PWWP2A: variants seen among roughly 807,000 people sequenced by gnomAD.
PWWP2A encodes PWWP domain containing 2A.
A neutral mutation model predicts 48.5 loss-of-function variants in PWWP2A; 18 were observed. The observed-to-expected ratio is 0.37, with a 90% confidence interval of 0.26 to 0.55. PWWP2A has a LOEUF of 0.55. Ranked by LOEUF, PWWP2A falls within the 20% of genes least tolerant of loss-of-function variation. The pLI is 0.81. For synonymous variants in PWWP2A, 396 were observed against 387.7 expected (o/e 1.02, Z -0.25); for missense variants, 867 against 976.4 (o/e 0.89, Z 1.49).
At chr5:160,108,006 T>G (rs539231259) in intron 1 of PWWP2A, among the ~76,000 whole-genome samples, 6 of 147,280 alleles carry the variant, frequency 4.1e-5, no homozygotes, top group African/African-American at 1.5e-4. Flanking sequence ...ATCTCAAAAA[T>G]AAAAAAAAAG....
chr5:160,100,076 G>A (rs113932607), intron 1 of PWWP2A, among the ~76,000 whole-genome samples: 1,661 of 151,896 alleles, frequency 0.011, 30 homozygotes, highest in African/African-American at 0.038. Context: ...CAAGGCAGGC[G>A]GATCACCTGA....
chr5:160,080,632 G>T, intron 3 of PWWP2A: 1 of 1,511,590 alleles, frequency 6.6e-7, no homozygotes. Flanking sequence ...CTTTGTGGCA[G>T]GGCTTAAAAC....
intron 3 of PWWP2A, chr5:160,080,632 G>A: frequency 4.0e-6 from 6 of 1,511,592 alleles, no homozygotes; most frequent in Non-Finnish European, 5.4e-6. Context: ...CTTTGTGGCA[G>A]GGCTTAAAAC....
downstream of PWWP2A, among the ~76,000 whole-genome samples, chr5:160,074,200 A>T (rs1753812249): frequency 6.6e-6 from 1 of 152,142 alleles, no homozygotes; most frequent in Admixed American, 6.5e-5. Flanking sequence ...GCACTTTGGG[A>T]GGCTGAGGCA....
intron 2 of PWWP2A, among the ~76,000 whole-genome samples, chr5:160,081,519 C>T (rs1316657239): frequency 1.3e-5 from 2 of 152,148 alleles, no homozygotes; most frequent in Non-Finnish European, 2.9e-5. Context: ...GGATTATAGG[C>T]GTGAGGCACC....
At chr5:160,117,809 A>T (rs1226374458) in intron 1 of PWWP2A, 1 of 852,990 alleles carries the variant, frequency 1.2e-6, no homozygotes, top group East Asian at 1.2e-4. Context: ...AGAGCAAGCA[A>T]GTTTAAGAGT....
intron 4 of PWWP2A, among the ~76,000 whole-genome samples, chr5:160,066,257 C>G (rs1271728248): frequency 6.8e-6 from 1 of 147,496 alleles, no homozygotes; most frequent in Non-Finnish European, 1.5e-5. Context: ...GTGTTCGGTG[C>G]TTCCTGTGCA....
the PWWP2A span, among the ~76,000 whole-genome samples, chr5:160,050,264 A>C: frequency 2.0e-5 from 3 of 152,116 alleles, no homozygotes; most frequent in African/African-American, 7.2e-5. Context: ...CCTGACCAAC[A>C]TGGAGAAACC....
Position 160,091,376 on chromosome 5 carries a change from G to GTTTTTTTTT in PWWP2A, c.*997_*1005dup, listed in dbSNP as rs368598091. On this transcript the variant is annotated 3_prime_UTR_variant, in exon 2 of 2. Coordinates refer to ENST00000307063, the MANE Select transcript of PWWP2A (RefSeq NM_001130864.2). ...TGATTTTATTTACAGCTTTTTTTTGGTTTTTTTTTTTTTTTTTACATTTCA... is the reference window on the plus strand; with the variant it reads ...TGATTTTATTTACAGCTTTTTTTTGGTTTTTTTTTTTTTTTTTTTTTTTTTTACATTTCA... The GTTTTTTTTT allele has an allele frequency of 5.7e-6, 4 of 706,958 alleles. No homozygotes were observed. The highest frequency in any genetic ancestry group is 2.3e-5 in the African/African-American group (1 of 44,414). 43.8% of individuals were successfully genotyped at this position (706,958 alleles called of 1,614,324 possible).
chr5:160,070,201 T>A (rs1040198239), intron 2 of PWWP2A, among the ~76,000 whole-genome samples: 3 of 152,064 alleles, frequency 2.0e-5, no homozygotes, highest in Non-Finnish European at 4.4e-5. Context: ...GTGCAGTGGC[T>A]CACACCTGTA....
At chr5:160,073,108 C>T (rs1297286024), downstream of PWWP2A, among the ~76,000 whole-genome samples, 2 of 151,866 alleles carry the variant, frequency 1.3e-5, no homozygotes, top group Admixed American at 1.3e-4. Context: ...ATTTCTACAC[C>T]TCATTTTGCC....
In PWWP2A at chr5:160,093,235, G is replaced by A. The variant is rs1755265820; in HGVS notation, c.1415C>T (p.Pro472Leu). The change falls in exon 2 of 2, where the codon CCC becomes CTC. Residue 472 changes from proline to leucine, a missense_variant. Coordinates refer to ENST00000307063, the MANE Select transcript of PWWP2A (RefSeq NM_001130864.2). This position sits in a 1 kb window ranked among gnomAD's most constrained non-coding sequence, Gnocchi z 5.8. Reference sequence around the variant, plus strand: ...CCTCTGTGGTTTTAAACGAACCCGGGGTGGAAGGGAACCTGAGCTAGGATT... The same window carrying A: ...CCTCTGTGGTTTTAAACGAACCCGGAGTGGAAGGGAACCTGAGCTAGGATT... ...YQNPSSGSLP[P>L]RVRLKPQRYR... 1.9e-6 allele frequency: 3 copies of A among 1,613,872 alleles called. No homozygotes were observed. Among genetic ancestry groups the A allele is most frequent in the Non-Finnish European group, 2.5e-6 (3 of 1,179,896 alleles).
the PWWP2A span, among the ~76,000 whole-genome samples, chr5:160,053,654 G>A: frequency 6.6e-6 from 1 of 152,304 alleles, no homozygotes; most frequent in Middle Eastern, 3.4e-3. Context: ...AGCTTTCAGA[G>A]TCTTTTGTGG....
chr5:160,050,718 C>G, the PWWP2A span, among the ~76,000 whole-genome samples: 297 of 151,246 alleles, frequency 2.0e-3, 1 homozygote, highest in African/African-American at 6.7e-3. Context: ...CTCAACCTCC[C>G]AGATTCAAGC....
the PWWP2A span, among the ~76,000 whole-genome samples, chr5:160,055,671 C>T: frequency 6.6e-6 from 1 of 152,220 alleles, no homozygotes; most frequent in South Asian, 2.1e-4. Flanking sequence ...CTGATGCACA[C>T]TCAACTTTAA....
chr5:160,097,997 A>G (rs1333158405), intron 1 of PWWP2A, among the ~76,000 whole-genome samples: 2 of 152,206 alleles, frequency 1.3e-5, no homozygotes, highest in African/African-American at 4.8e-5. Context: ...TACAGGCGTG[A>G]GCCACTGCAA....
downstream of PWWP2A, among the ~76,000 whole-genome samples, chr5:160,074,864 C>T (rs1753830857): frequency 6.6e-6 from 1 of 151,602 alleles, no homozygotes; most frequent in African/African-American, 2.4e-5. Context: ...TTTGGGAGGC[C>T]GAGGCAGGAG....
At position 160,092,805 on chromosome 5, in the gene PWWP2A, G is replaced by A. The variant is rs1483719505; in HGVS notation, c.1845C>T (p.Ser615=). The change falls in exon 2 of 2, where the codon TCC becomes TCT. Residue 615 remains serine, a synonymous_variant. Coordinates refer to ENST00000307063, the MANE Select transcript of PWWP2A (RefSeq NM_001130864.2). ...TTGAAGAGGAGGAAGTGGAGGAGGT[G>A]GAAGGTGCATGCATACTGCCTGGAG... ...DFPPGSMHAP[S]TSSTSSSSKE... is the part of the protein sequence containing the mutation. 4 of 1,551,532 alleles carry A rather than the reference G, an allele frequency of 2.6e-6. No individual in the cohort carries two copies. The African/African-American group carries it at 4.1e-5, about 16-fold the overall frequency.
the PWWP2A span, among the ~76,000 whole-genome samples, chr5:160,047,463 A>C: frequency 6.6e-6 from 1 of 152,196 alleles, no homozygotes; most frequent in Non-Finnish European, 1.5e-5. Context: ...TACTACTTCC[A>C]GCTTAGACCA....
Sources: gnomAD v4.1 joint callset for allele counts (sites outside exome capture counted in the v4.1 genomes callset) on GRCh38, gnomAD v4.1.1 for gene constraint, Gnocchi (gnomAD v3.1) non-coding constraint, MANE v1.5 for transcripts, NCBI Gene and HGNC (gene_info 2026-07-23, HGNC 2026-07-21) for gene names.